The following POU2F2 variants were observed in gnomAD, a reference collection of about 807,000 sequenced individuals.
POU2F2 encodes the protein POU domain, class 2, transcription factor 2.
In POU2F2, 14 loss-of-function variants were observed where a neutral mutation model predicts 63.5. That is an observed-to-expected ratio of 0.22 (90% confidence interval 0.15 to 0.34). The LOEUF (loss-of-function observed/expected upper bound fraction) is 0.34. Among genes scored for constraint, POU2F2 ranks in the 10% least tolerant of loss-of-function variants. The pLI is 1.00. For synonymous variants in POU2F2, 306 were observed against 348.6 expected (o/e 0.88, Z 1.36); for missense variants, 607 against 815.2 (o/e 0.74, Z 3.11).
chr19:42,193,064 C>CAA (rs1010641841), intron 1 of POU2F2, among the ~76,000 whole-genome samples: 2 of 131,818 alleles, frequency 1.5e-5, no homozygotes, highest in African/African-American at 2.8e-5. Context: ...ACTAAAAATA[C>CAA]AAAAAAAAAA....
At position 42,155,985 on chromosome 19, in the gene POU2F2, G is replaced by C. The variant is rs898788820; in HGVS notation, c.-9+4347C>G. 6.6e-6 allele frequency: 1 copy of C among 152,272 alleles called. No individual in the cohort carries two copies. Among genetic ancestry groups the C allele is most frequent in the African/African-American group, 2.4e-5 (1 of 41,450 alleles). The allele number at this position is 152,272 out of a possible 1,614,324, so 9.4% of individuals were successfully genotyped here. On this transcript the variant is annotated intron_variant, in intron 2 of 6. Transcript: ENST00000524801. The surrounding 1 kb of genome is among the most constrained non-coding windows in gnomAD (Gnocchi z 4.2). ...AGCGTGAGCCCAACAACCACGGGGT[G>C]GGGGTGGGGCGCGCATCAAGATTTC...
At chr19:42,110,684 C>A in intron 5 of POU2F2, 1 of 455,602 alleles carries the variant, frequency 2.2e-6, no homozygotes, top group South Asian at 1.6e-5. Context: ...CCTCACACAC[C>A]TCAGGCCGTT....
intron 1 of POU2F2, among the ~76,000 whole-genome samples, chr19:42,183,512 G>A (rs1377435108): frequency 1.3e-5 from 2 of 152,262 alleles, no homozygotes; most frequent in South Asian, 4.1e-4. Context: ...GATTGTGGTG[G>A]TGGTTACACA....
chr19:42,133,440 T>G (rs2033896369), upstream of POU2F2: 1 of 154,592 alleles, frequency 6.5e-6, no homozygotes, highest in Non-Finnish European at 1.5e-5. This position sits in a 1 kb window ranked among gnomAD's most constrained non-coding sequence, Gnocchi z 5.1. Context: ...GCCCTCTTCC[T>G]CTTGGTGCCC....
At chr19:42,101,863 G>A (rs888280303) in intron 5 of POU2F2, among the ~76,000 whole-genome samples, 2 of 152,102 alleles carry the variant, frequency 1.3e-5, no homozygotes, top group African/African-American at 4.8e-5. Context: ...TGTAATCCCA[G>A]CTGCTTGGGA....
chr19:42,141,642 T>C (rs2034130493), intron 2 of POU2F2, among the ~76,000 whole-genome samples: 2 of 151,714 alleles, frequency 1.3e-5, no homozygotes, highest in Non-Finnish European at 2.9e-5. Flanking sequence ...CCACCACACC[T>C]GGCTAATTTT....
At chr19:42,194,627 C>T (rs1041797170) in intron 1 of POU2F2, among the ~76,000 whole-genome samples, 1 of 151,386 alleles carries the variant, frequency 6.6e-6, no homozygotes, top group Admixed American at 6.6e-5. Context: ...AGTATGGTGG[C>T]ACATGCCTGT....
intron 5 of POU2F2, among the ~76,000 whole-genome samples, chr19:42,112,546 T>G (rs548168011): frequency 6.6e-6 from 1 of 152,262 alleles, no homozygotes; most frequent in East Asian, 1.9e-4. Flanking sequence ...ATTTTTGTAC[T>G]TTTAGTAGAG....
chr19:42,165,504 C>T (rs2146793010), intron 1 of POU2F2, among the ~76,000 whole-genome samples: 1 of 152,224 alleles, frequency 6.6e-6, no homozygotes, highest in South Asian at 2.1e-4. Flanking sequence ...CAGAGTAGTG[C>T]CATCCAACTA....
upstream of POU2F2, among the ~76,000 whole-genome samples, chr19:42,176,751 CA>C (rs1166226262): frequency 7.3e-5 from 11 of 151,562 alleles, no homozygotes; most frequent in Non-Finnish European, 4.4e-5. Flanking sequence ...AATACCCAGC[CA>C]GGGGGCAAAG....
intron 2 of POU2F2, among the ~76,000 whole-genome samples, chr19:42,148,281 C>T (rs772537803): frequency 6.6e-6 from 1 of 152,096 alleles, no homozygotes; most frequent in African/African-American, 2.4e-5. Context: ...ATTAGGAAGG[C>T]CTTGTACTAA....
chr19:42,139,053 A>C (rs2034075457), intron 2 of POU2F2, among the ~76,000 whole-genome samples: 1 of 152,198 alleles, frequency 6.6e-6, no homozygotes, highest in South Asian at 2.1e-4. Flanking sequence ...GTGGTGGCTC[A>C]CACCTGTAAT....
In POU2F2 at chr19:42,153,244, C is replaced by T. The variant is rs747398311; in HGVS notation, c.-9+7088G>A. Among the ~76,000 whole-genome samples, 6 of 152,088 alleles carry T rather than the reference C, an allele frequency of 3.9e-5. No homozygotes were observed. The highest frequency in any genetic ancestry group is 3.9e-4 in the Admixed American group (6 of 15,268). ...GGGGGATTCTAGGACTGCACATACC[C>T]GAGCGTCTTGGCCCGAGTCATGTCT... On this transcript the variant is annotated intron_variant, in intron 2 of 6. Transcript: ENST00000524801. The surrounding 1 kb of genome is among the most constrained non-coding windows in gnomAD (Gnocchi z 5.6).
chr19:42,147,380 G>T (rs1420375840), intron 2 of POU2F2, among the ~76,000 whole-genome samples: 1 of 152,138 alleles, frequency 6.6e-6, no homozygotes, highest in Admixed American at 6.5e-5. Flanking sequence ...TTAAGGTTTG[G>T]CTTAAATAAC....
chr19:42,150,565 G>C (rs974916107), intron 2 of POU2F2, among the ~76,000 whole-genome samples: 5 of 151,100 alleles, frequency 3.3e-5, no homozygotes, highest in Admixed American at 3.3e-4. Flanking sequence ...GGGCCGGCAG[G>C]GGGGACGCGG....
chr19:42,142,911 T>C (rs1000835877), intron 2 of POU2F2, among the ~76,000 whole-genome samples: 3 of 152,120 alleles, frequency 2.0e-5, no homozygotes, highest in Non-Finnish European at 2.9e-5. Flanking sequence ...ATGATACACA[T>C]GCAGAAAATC....
upstream of POU2F2, among the ~76,000 whole-genome samples, chr19:42,135,243 C>T (rs2081067031): frequency 6.6e-6 from 1 of 152,080 alleles, no homozygotes; most frequent in Admixed American, 6.5e-5. Context: ...GACAGGGAGA[C>T]CAAGCCTCAG....
chr19:42,142,895 T>C (rs1272502514), intron 2 of POU2F2, among the ~76,000 whole-genome samples: 3 of 152,108 alleles, frequency 2.0e-5, no homozygotes, highest in South Asian at 2.1e-4. Flanking sequence ...AATTAGAACA[T>C]ATTAAATGAT....
Position 42,156,622 on chromosome 19 carries a change from C to T in POU2F2, c.-9+3710G>A, listed in dbSNP as rs145011565. 1 of 152,488 alleles carries T rather than the reference C, an allele frequency of 6.6e-6. No individual in the cohort carries two copies. Among genetic ancestry groups the T allele is most frequent in the African/African-American group, 2.4e-5 (1 of 41,576 alleles). 9.4% of individuals were successfully genotyped at this position (152,488 alleles called of 1,614,324 possible). On this transcript the variant is annotated intron_variant, in intron 2 of 6. Coordinates refer to the POU2F2 transcript ENST00000524801. The surrounding 1 kb of genome is among the most constrained non-coding windows in gnomAD (Gnocchi z 4.1). ...ACACACCCTATTCCACTAGCCAAAG[C>T]CCCCAGGGGTGTAATTCAGAAGGAG...
Sources: gnomAD v4.1 joint callset for allele counts (sites outside exome capture counted in the v4.1 genomes callset) on GRCh38, gnomAD v4.1.1 for gene constraint, Gnocchi (gnomAD v3.1) non-coding constraint, MANE v1.5 for transcripts, NCBI Gene and HGNC (gene_info 2026-07-23, HGNC 2026-07-21) for gene names.